Variants in ENOX1 observed in about 807,000 individuals in gnomAD.
The protein encoded by ENOX1 is candidate growth-related and time keeping constitutive hydroquinone (NADH) oxidase.
In ENOX1, 42 loss-of-function variants were observed where a neutral mutation model predicts 82.5. The ratio of observed to expected loss-of-function variants is 0.51; its 90% confidence interval spans 0.40 to 0.66. ENOX1 has a LOEUF of 0.66. Ranked by LOEUF, ENOX1 falls within the 30% of genes least tolerant of loss-of-function variation. The pLI is 0.00. For missense variants in ENOX1, 608 were observed against 811.6 expected (o/e 0.75, Z 3.05); for synonymous variants, 271 against 282.2 (o/e 0.96, Z 0.40).
At chr13:43,612,189 C>G (rs1264132951) in intron 2 of ENOX1, among the ~76,000 whole-genome samples, 2 of 152,142 alleles carry the variant, frequency 1.3e-5, no homozygotes, top group African/African-American at 4.8e-5. Flanking sequence ...TCAGAGAGAA[C>G]AGATGAAGGA....
At chr13:43,294,631 A>C (rs2046189929) in intron 12 of ENOX1, among the ~76,000 whole-genome samples, 1 of 152,204 alleles carries the variant, frequency 6.6e-6, no homozygotes, top group African/African-American at 2.4e-5. Context: ...CCTAGGATTT[A>C]CTCAAGTAAA....
intron 2 of ENOX1, among the ~76,000 whole-genome samples, chr13:43,505,424 G>C (rs191750767): frequency 2.7e-4 from 41 of 152,000 alleles, no homozygotes; most frequent in African/African-American, 8.4e-4. Context: ...CAAGATATCA[G>C]GCTATAATCT....
chr13:43,728,413 C>CTTT (rs2089124265), intron 1 of ENOX1, among the ~76,000 whole-genome samples: 1 of 152,130 alleles, frequency 6.6e-6, no homozygotes, highest in Admixed American at 6.5e-5. Flanking sequence ...TTTCCAGGCC[C>CTTT]TTTTACACTG....
intron 8 of ENOX1, among the ~76,000 whole-genome samples, chr13:43,350,990 C>A (rs974384465): frequency 3.9e-5 from 6 of 152,224 alleles, no homozygotes; most frequent in Admixed American, 1.3e-4. Flanking sequence ...GAGGGACACA[C>A]ACATGTGTAC....
At chr13:43,223,448 G>A (rs963409260) in intron 16 of ENOX1, among the ~76,000 whole-genome samples, 1 of 152,244 alleles carries the variant, frequency 6.6e-6, no homozygotes, top group South Asian at 2.1e-4. Flanking sequence ...CAAATACTGC[G>A]GTGGGGTAGG....
At chr13:43,518,009 G>A (rs2077620186) in intron 2 of ENOX1, among the ~76,000 whole-genome samples, 1 of 152,100 alleles carries the variant, frequency 6.6e-6, no homozygotes. Context: ...AGACTAAGAT[G>A]TCTGCTCTGC....
chr13:43,701,263 A>G (rs1005415387), intron 1 of ENOX1, among the ~76,000 whole-genome samples: 4 of 152,154 alleles, frequency 2.6e-5, no homozygotes, highest in African/African-American at 9.7e-5. Flanking sequence ...ATTTCTCAAG[A>G]TCTCAGCAAT....
chr13:43,269,350 G>T, intron 13 of ENOX1, 120 bp downstream of exon 13: 1 of 777,614 alleles, frequency 1.3e-6, no homozygotes. Context: ...GTTTGACAGG[G>T]TTCAGACTAA....
chr13:43,520,418 T>C (rs1050882905), intron 2 of ENOX1, among the ~76,000 whole-genome samples: 1 of 152,192 alleles, frequency 6.6e-6, no homozygotes, highest in Non-Finnish European at 1.5e-5. Context: ...GTAAAAGGCA[T>C]GTTTGTTTGT....
At chr13:43,543,752 TA>T (rs2078847091) in intron 2 of ENOX1, among the ~76,000 whole-genome samples, 1 of 146,612 alleles carries the variant, frequency 6.8e-6, no homozygotes, top group African/African-American at 2.6e-5. Context: ...TCCTGTTAAA[TA>T]GTTTTCAAAT....
chr13:43,265,115 T>C (rs936143013), intron 14 of ENOX1, among the ~76,000 whole-genome samples: 1 of 152,182 alleles, frequency 6.6e-6, no homozygotes, highest in Non-Finnish European at 1.5e-5. Context: ...CAGTATATCA[T>C]CAGTTATAGT....
At chr13:43,460,605 T>A (rs890013109) in intron 3 of ENOX1, among the ~76,000 whole-genome samples, 2 of 151,910 alleles carry the variant, frequency 1.3e-5, no homozygotes, top group African/African-American at 4.8e-5. Context: ...CCATCCCGGC[T>A]AACACGGTAA....
chr13:43,370,859 G>C (rs1046014050), intron 5 of ENOX1, among the ~76,000 whole-genome samples: 1 of 151,942 alleles, frequency 6.6e-6, no homozygotes, highest in Non-Finnish European at 1.5e-5. Context: ...TACTGCAAAG[G>C]ACTCTTTTTG....
chr13:43,476,785 G>C (rs764454443), intron 3 of ENOX1, among the ~76,000 whole-genome samples: 1 of 152,164 alleles, frequency 6.6e-6, no homozygotes, highest in Non-Finnish European at 1.5e-5. Flanking sequence ...AAGGAAGTGA[G>C]AGGTTTTTGT....
chr13:43,652,315 A>G (rs2084230085), intron 2 of ENOX1, among the ~76,000 whole-genome samples: 1 of 152,178 alleles, frequency 6.6e-6, no homozygotes, highest in Non-Finnish European at 1.5e-5. Flanking sequence ...AGGCTTCACA[A>G]TAACACAGAG....
intron 2 of ENOX1, among the ~76,000 whole-genome samples, chr13:43,522,695 G>A (rs1180878280): frequency 6.6e-6 from 1 of 152,110 alleles, no homozygotes; most frequent in East Asian, 1.9e-4. Context: ...TTTTCATGCA[G>A]ACCCTTGTGC....
intron 2 of ENOX1, among the ~76,000 whole-genome samples, chr13:43,563,522 A>T (rs921809305): frequency 1.3e-5 from 2 of 152,242 alleles, no homozygotes; most frequent in South Asian, 4.1e-4. Flanking sequence ...AGAATAAATA[A>T]TAGAGACCAG....
intron 11 of ENOX1, among the ~76,000 whole-genome samples, chr13:43,302,086 C>T (rs1315596896): frequency 1.4e-5 from 2 of 145,072 alleles, no homozygotes; most frequent in Middle Eastern, 3.5e-3. Flanking sequence ...ACAATGAATC[C>T]ACTATCCAAA....
At chr13:43,341,803 C>A (rs77810144) in intron 9 of ENOX1, among the ~76,000 whole-genome samples, 450 of 152,296 alleles carry the variant, frequency 3.0e-3, no homozygotes, top group African/African-American at 0.01. Flanking sequence ...CTCTGGAGAG[C>A]AGCAGGCCCA....
Sources: gnomAD v4.1 joint callset for allele counts (sites outside exome capture counted in the v4.1 genomes callset) on GRCh38, gnomAD v4.1.1 for gene constraint, MANE v1.5 for transcripts, NCBI Gene and HGNC (gene_info 2026-07-23, HGNC 2026-07-21) for gene names.